The following PHF24 variants were observed in gnomAD, a reference collection of about 807,000 sequenced individuals.
The protein encoded by PHF24 is Galpha inhibitory interacting protein.
PHF24 carries 25 observed loss-of-function variants against 42.6 expected under a neutral mutation model. The observed-to-expected ratio is 0.59, with a 90% CI of 0.43 to 0.82. PHF24 has a LOEUF of 0.82. Ranked by LOEUF, PHF24 falls within the 40% of genes least tolerant of loss-of-function variation. The pLI is 0.00. For synonymous variants in PHF24, 185 were observed against 204.8 expected (o/e 0.90, Z 0.83); for missense variants, 470 against 538.1 (o/e 0.87, Z 1.25).
chr9:34,760,660 C>T, the PHF24 span, among the ~76,000 whole-genome samples: 1 of 152,200 alleles, frequency 6.6e-6, no homozygotes, highest in Non-Finnish European at 1.5e-5. Context: ...CAGCACGCCC[C>T]CACCCAATAC....
the PHF24 span, among the ~76,000 whole-genome samples, chr9:34,747,384 C>A: frequency 3.3e-5 from 5 of 152,056 alleles, no homozygotes; most frequent in African/African-American, 4.8e-5. Context: ...CCACTGCACT[C>A]CAGCCTGGGT....
At chr9:34,877,927 C>T in the PHF24 span, among the ~76,000 whole-genome samples, 1 of 151,996 alleles carries the variant, frequency 6.6e-6, no homozygotes, top group African/African-American at 2.4e-5. Flanking sequence ...CCCTGGAGCA[C>T]AGGGGGTTTT....
the PHF24 span, among the ~76,000 whole-genome samples, chr9:34,781,479 C>T: frequency 6.6e-6 from 1 of 152,062 alleles, no homozygotes; most frequent in Non-Finnish European, 1.5e-5. Flanking sequence ...TTAAAGGAAA[C>T]AGAGTTTTTG....
chr9:34,758,291 C>T, the PHF24 span, among the ~76,000 whole-genome samples: 2 of 152,042 alleles, frequency 1.3e-5, no homozygotes, highest in Non-Finnish European at 2.9e-5. The surrounding 1 kb of genome is among the most constrained non-coding windows in gnomAD (Gnocchi z 4.4). Flanking sequence ...TGGGTGTGGA[C>T]GTGTAGCTAC....
the PHF24 span, among the ~76,000 whole-genome samples, chr9:34,767,030 G>A: frequency 5.6e-4 from 86 of 152,284 alleles, no homozygotes; most frequent in African/African-American, 1.9e-3. Flanking sequence ...TTCGTGAACC[G>A]CGAATGCTGC....
chr9:34,675,781 G>T, the PHF24 span, among the ~76,000 whole-genome samples: 2 of 152,160 alleles, frequency 1.3e-5, no homozygotes, highest in Non-Finnish European at 2.9e-5. Flanking sequence ...GGAAACAAGG[G>T]CCCCTGGATG....
At chr9:34,832,814 G>T in the PHF24 span, 1 of 1,551,538 alleles carries the variant, frequency 6.4e-7, no homozygotes, top group Non-Finnish European at 8.7e-7. Flanking sequence ...GTGAAGCTGG[G>T]GCACCACAGT....
At chr9:34,771,904 C>T in the PHF24 span, among the ~76,000 whole-genome samples, 1 of 152,134 alleles carries the variant, frequency 6.6e-6, no homozygotes, top group Non-Finnish European at 1.5e-5. Flanking sequence ...GTCCCTGTCC[C>T]CATCCTCATT....
At chr9:34,763,909 G>A in the PHF24 span, among the ~76,000 whole-genome samples, 3 of 152,080 alleles carry the variant, frequency 2.0e-5, no homozygotes, top group African/African-American at 4.8e-5. Flanking sequence ...TAGCACGAAG[G>A]GTTGTTGAAT....
At chr9:34,901,356 T>A in the PHF24 span, among the ~76,000 whole-genome samples, 2 of 152,144 alleles carry the variant, frequency 1.3e-5, no homozygotes, top group Non-Finnish European at 2.9e-5. Flanking sequence ...TTTTAGCAAA[T>A]CAAATTCAGC....
the PHF24 span, among the ~76,000 whole-genome samples, chr9:34,705,993 A>G: frequency 6.6e-6 from 1 of 152,224 alleles, no homozygotes; most frequent in Admixed American, 6.5e-5. Context: ...TATGTTTTGA[A>G]TCCATCTCAT....
the PHF24 span, chr9:34,892,781 G>C: frequency 3.5e-6 from 2 of 577,848 alleles, 1 homozygote; most frequent in South Asian, 4.8e-5. Context: ...TGGGACTTGA[G>C]ATCTCTGTCC....
the PHF24 span, among the ~76,000 whole-genome samples, chr9:34,733,215 A>C: frequency 3.3e-5 from 5 of 152,210 alleles, no homozygotes; most frequent in African/African-American, 1.2e-4. Flanking sequence ...CGATATGAGA[A>C]GTGCAAATTT....
chr9:34,785,375 A>T, the PHF24 span, among the ~76,000 whole-genome samples: 2 of 152,224 alleles, frequency 1.3e-5, no homozygotes, highest in Non-Finnish European at 2.9e-5. Context: ...TAATACCACC[A>T]TAACGGGGAT....
the PHF24 span, among the ~76,000 whole-genome samples, chr9:34,667,393 C>G: frequency 6.6e-6 from 1 of 152,164 alleles, no homozygotes. Context: ...TCCATGGGTG[C>G]TAGGTGGTTT....
the PHF24 span, among the ~76,000 whole-genome samples, chr9:34,666,364 G>C: frequency 1.3e-5 from 2 of 152,146 alleles, no homozygotes; most frequent in African/African-American, 4.8e-5. Flanking sequence ...CTGCCCTGCC[G>C]AGTGCCTCTC....
intron 3 of PHF24, among the ~76,000 whole-genome samples, chr9:34,974,791 A>G (rs1827127761): frequency 6.6e-6 from 1 of 151,978 alleles, no homozygotes; most frequent in Non-Finnish European, 1.5e-5. Flanking sequence ...CACACTCATC[A>G]TGCCCCAAAA....
the PHF24 span, among the ~76,000 whole-genome samples, chr9:34,824,877 G>A: frequency 6.6e-6 from 1 of 152,120 alleles, no homozygotes; most frequent in Admixed American, 6.5e-5. Context: ...AACTTATTTG[G>A]CCATGTAAAC....
At chr9:34,683,548 C>T in the PHF24 span, among the ~76,000 whole-genome samples, 1 of 152,326 alleles carries the variant, frequency 6.6e-6, no homozygotes, top group Non-Finnish European at 1.5e-5. Flanking sequence ...TGGGTGTAAA[C>T]ACTCCAGCCC....
Sources: gnomAD v4.1 joint callset for allele counts (sites outside exome capture counted in the v4.1 genomes callset) on GRCh38, gnomAD v4.1.1 for gene constraint, Gnocchi (gnomAD v3.1) non-coding constraint, MANE v1.5 for transcripts, NCBI Gene and HGNC (gene_info 2026-07-23, HGNC 2026-07-21) for gene names.